The following HOXA10 variants were observed in gnomAD, a reference collection of about 807,000 sequenced individuals.
HOXA10 encodes the protein homeobox A10, also known as homeobox protein Hox-A10.
A neutral mutation model predicts 29.7 loss-of-function variants in HOXA10; 12 were observed. The ratio of observed to expected loss-of-function variants is 0.40; its 90% CI spans 0.26 to 0.65. The LOEUF is 0.65. HOXA10 is among the 30% of genes least tolerant of loss of function. HOXA10 has a pLI of 0.37. For missense variants in HOXA10, 656 were observed against 585.9 expected (o/e 1.12, Z -1.24); for synonymous variants, 327 against 280.7 (o/e 1.16, Z -1.65).
At chr7:27,177,100 G>T (rs935898895), upstream of HOXA10, among the ~76,000 whole-genome samples, 6 of 152,212 alleles carry the variant, frequency 3.9e-5, no homozygotes, top group African/African-American at 1.4e-4. Flanking sequence ...CCAGGGACCT[G>T]CACGTGCCAA....
upstream of HOXA10, chr7:27,174,593 T>C (rs1274379426): frequency 2.1e-6 from 1 of 479,774 alleles, no homozygotes; most frequent in Non-Finnish European, 3.7e-6. Context: ...GCCCCGCCCC[T>C]ACCCGGACGT....
rs2115451760 is a variant in HOXA10 at position 27,173,345 on chromosome 7, T to G, written c.958+4A>C. The stretch of plus-strand genomic sequence containing the variant: ...TGACTGCAGCCCTCTGCAGCCCTGC[T>G]TACCCAGGGAATCCTTCTCCGGCGA... On this transcript the variant is annotated splice_donor_region_variant and intron_variant, in intron 1 of 1. Coordinates refer to ENST00000283921, the MANE Select transcript of HOXA10 (RefSeq NM_018951.4). The G allele has an allele frequency of 6.2e-7, 1 of 1,611,868 alleles. No individual in the cohort carries two copies. Among genetic ancestry groups the G allele is most frequent in the Non-Finnish European group, 8.5e-7 (1 of 1,179,694 alleles).
chr7:27,171,457 G>A lies in HOXA10; in HGVS notation c.*442C>T. 2.2e-6 allele frequency: 1 copy of A among 457,022 alleles called. No homozygotes were observed. Among genetic ancestry groups the A allele is most frequent in the Non-Finnish European group, 4.4e-6 (1 of 228,562 alleles). The allele number at this position is 457,022 out of a possible 1,614,324, so 28.3% of individuals were successfully genotyped here. On this transcript the variant is annotated 3_prime_UTR_variant, in exon 2 of 2. Coordinates refer to ENST00000283921, the MANE Select transcript of HOXA10 (RefSeq NM_018951.4). ...GCACTCCAGGCAGACATGCCCGGTG[G>A]CGGCTCCTTTGCACCATTGACCTCA... is the stretch of plus-strand genomic sequence containing the variant.
intron 1 of HOXA10, chr7:27,172,914 T>G: frequency 2.2e-5 from 4 of 185,042 alleles, no homozygotes; most frequent in Non-Finnish European, 4.5e-5. Context: ...AATGGGCTTA[T>G]TTATTGGCGC....
chr7:27,171,395 A>T lies in HOXA10; in HGVS notation c.*504T>A. On this transcript the variant is annotated 3_prime_UTR_variant, in exon 2 of 2. Transcript: ENST00000283921. ...GAAGAAAGGAAGAAAGAAAAAAGAA[A>T]CCCAGGGGCCTGTATCCCCTGATTA... 2.2e-6 allele frequency: 1 copy of T among 454,964 alleles called. No individual in the cohort carries two copies. Among genetic ancestry groups the T allele is most frequent in the Non-Finnish European group, 4.4e-6 (1 of 227,104 alleles). The allele number at this position is 454,964 out of a possible 1,614,324, so 28.2% of individuals were successfully genotyped here. A position where few individuals can be genotyped will look rare whatever the true frequency, so the allele number is the denominator to read the frequency against.
chr7:27,174,620 T>G, upstream of HOXA10: 1 of 438,230 alleles, frequency 2.3e-6, no homozygotes, highest in Admixed American at 4.0e-5. Flanking sequence ...CATACCGGGG[T>G]CCCTTAGAAG....
chr7:27,171,779 G>C lies in HOXA10; in HGVS notation c.*120C>G, dbSNP rs751374742. 8.1e-6 allele frequency: 8 copies of C among 993,282 alleles called. No individual in the cohort carries two copies. Among genetic ancestry groups the C allele is most frequent in the Non-Finnish European group, 1.3e-5 (8 of 615,594 alleles). The allele number at this position is 993,282 out of a possible 1,614,324, so 61.5% of individuals were successfully genotyped here. A position where few individuals can be genotyped will look rare whatever the true frequency, so the allele number is the denominator to read the frequency against. ...CACAGATGTAACGGCCCAGGAGATGGCGAGTGTGGGAGGGAGGAACAGGGC... is the reference window on the plus strand; with the variant it reads ...CACAGATGTAACGGCCCAGGAGATGCCGAGTGTGGGAGGGAGGAACAGGGC... On this transcript the variant is annotated 3_prime_UTR_variant, in exon 2 of 2. Coordinates refer to ENST00000283921, the MANE Select transcript of HOXA10 (RefSeq NM_018951.4).
In HOXA10 at chr7:27,171,842, A is replaced by G. The variant is rs1254294865; in HGVS notation, c.*57T>C. ...GCGAGTTCCTGGGCAGAGCCTGAAG[A>G]CAGAGGGAGGGGACCAGCGCTCGGG... On this transcript the variant is annotated 3_prime_UTR_variant, in exon 2 of 2. Transcript: ENST00000283921. 6.3e-7 allele frequency: 1 copy of G among 1,583,100 alleles called. No individual in the cohort carries two copies. Among genetic ancestry groups the G allele is most frequent in the African/African-American group, 1.3e-5 (1 of 74,422 alleles).
In HOXA10 at chr7:27,171,676, T is replaced by C. The variant is rs1200019785; in HGVS notation, c.*223A>G. On this transcript the variant is annotated 3_prime_UTR_variant, in exon 2 of 2. Transcript: ENST00000283921. ...CTATAGAATTTTAGCATGATATGGC[T>C]TTTTCCCCCAGAAAACAACAAATAA... The C allele has an allele frequency of 1.5e-6, 1 of 689,580 alleles. No homozygotes were observed. The highest frequency in any genetic ancestry group is 1.5e-5 in the South Asian group (1 of 67,518). 42.7% of individuals were successfully genotyped at this position (689,580 alleles called of 1,614,324 possible).
chr7:27,171,609 C>A lies in HOXA10; in HGVS notation c.*290G>T. 1.8e-6 allele frequency: 1 copy of A among 550,644 alleles called. No homozygotes were observed. Among genetic ancestry groups the A allele is most frequent in the Non-Finnish European group, 3.4e-6 (1 of 290,098 alleles). The allele number at this position is 550,644 out of a possible 1,614,324, so 34.1% of individuals were successfully genotyped here. ...AGCAGTGGGACCCCAAGACAGCAAA[C>A]CCAGCCCAGTCAGGACTTGACACTT... On this transcript the variant is annotated 3_prime_UTR_variant, in exon 2 of 2. Transcript: ENST00000283921.
At chr7:27,176,599 T>C (rs1457460795), upstream of HOXA10, among the ~76,000 whole-genome samples, 4 of 152,230 alleles carry the variant, frequency 2.6e-5, no homozygotes, top group Non-Finnish European at 5.9e-5. Context: ...CTGTGTCATT[T>C]GGCAAGTGGG....
At chr7:27,176,814 C>A (rs1180080171), upstream of HOXA10, among the ~76,000 whole-genome samples, 1 of 152,260 alleles carries the variant, frequency 6.6e-6, no homozygotes, top group Non-Finnish European at 1.5e-5. Flanking sequence ...TCTTTCCTAA[C>A]CTTTTAGGGA....
chr7:27,171,681 C>T lies in HOXA10; in HGVS notation c.*218G>A, dbSNP rs1215263363. ...GAATTTTAGCATGATATGGCTTTTT[C>T]CCCCAGAAAACAACAAATAAACCAG... On this transcript the variant is annotated 3_prime_UTR_variant, in exon 2 of 2. Transcript: ENST00000283921. 2.9e-6 allele frequency: 2 copies of T among 697,790 alleles called. No individual in the cohort carries two copies. Among genetic ancestry groups the T allele is most frequent in the Non-Finnish European group, 5.2e-6 (2 of 383,006 alleles). 43.2% of individuals were successfully genotyped at this position (697,790 alleles called of 1,614,324 possible). A position where few individuals can be genotyped will look rare whatever the true frequency, so the allele number is the denominator to read the frequency against.
chr7:27,170,994 A>G lies in HOXA10; in HGVS notation c.*905T>C, dbSNP rs1276548818. On this transcript the variant is annotated 3_prime_UTR_variant, in exon 2 of 2. Transcript: ENST00000283921. ...AAAACTTTTTGTTCAAGGCGATTTA[A>G]AAAAACAACTTCACAAGATAGGGAG... The G allele has an allele frequency of 1.1e-5, 5 of 453,718 alleles. No homozygotes were observed. The highest frequency in any genetic ancestry group is 4.4e-6 in the Non-Finnish European group (1 of 226,688). 28.1% of individuals were successfully genotyped at this position (453,718 alleles called of 1,614,324 possible).
chr7:27,171,600 G>T lies in HOXA10; in HGVS notation c.*299C>A. ...GCCATTTCGAGCAGTGGGACCCCAA[G>T]ACAGCAAACCCAGCCCAGTCAGGAC... is the stretch of plus-strand genomic sequence containing the variant. On this transcript the variant is annotated 3_prime_UTR_variant, in exon 2 of 2. Transcript: ENST00000283921. 3.7e-6 allele frequency: 2 copies of T among 536,036 alleles called. No individual in the cohort carries two copies. The highest frequency in any genetic ancestry group is 7.1e-6 in the Non-Finnish European group (2 of 280,642). The allele number at this position is 536,036 out of a possible 1,614,324, so 33.2% of individuals were successfully genotyped here. A position where few individuals can be genotyped will look rare whatever the true frequency, so the allele number is the denominator to read the frequency against.
chr7:27,177,508 G>T (rs765808963), upstream of HOXA10, among the ~76,000 whole-genome samples: 8 of 152,184 alleles, frequency 5.3e-5, no homozygotes, highest in Non-Finnish European at 8.8e-5. Context: ...CGCAGCAGAA[G>T]CTCAAGTTAA....
In HOXA10 at chr7:27,173,760, C is replaced by T; in HGVS notation, c.547G>A (p.Ala183Thr). The change falls in exon 1 of 2, where the codon GCC (alanine) becomes ACC (threonine). Residue 183 changes from alanine to threonine, a missense_variant. Transcript: ENST00000283921. ...AAGGGAGCCAGTTCGGCGGCGGTGG[C>T]CGAGACTTTGGGGCATTTGTCCGCC... ...DSADKCPKVS[A>T]TAAELAPFPR... is the part of the protein sequence containing the mutation. 1 of 1,605,990 alleles carries T rather than the reference C, an allele frequency of 6.2e-7. No individual in the cohort carries two copies. The highest frequency in any genetic ancestry group is 8.5e-7 in the Non-Finnish European group (1 of 1,176,770).
Position 27,173,519 on chromosome 7 carries a change from G to C in HOXA10, c.788C>G (p.Ala263Gly). 6.8e-7 allele frequency: 1 copy of C among 1,463,324 alleles called. No homozygotes were observed. The highest frequency in any genetic ancestry group is 9.0e-7 in the Non-Finnish European group (1 of 1,116,668). The allele number at this position is 1,463,324 out of a possible 1,614,324, so 90.6% of individuals were successfully genotyped here. A position where few individuals can be genotyped will look rare whatever the true frequency, so the allele number is the denominator to read the frequency against. ...ATCGAGGGCTCGCTCCTTCCGGGCC[G>C]CATCGGCCGAGCCGGAGGCTAGCGC... ...PPALASGSAD[A>G]ARKERALDSP... Residue 263 changes from alanine (A) to glycine (G), a missense_variant, in exon 1 of 2, where the codon GCG becomes GGG. By Grantham distance (60) the Ala-to-Gly change is moderately conservative (BLOSUM62 0). This residue lies in a region of HOXA10 where 594 missense variants were observed against 491.9 expected (regional missense o/e 1.21). Coordinates refer to ENST00000283921, the MANE Select transcript of HOXA10 (RefSeq NM_018951.4).
upstream of HOXA10, among the ~76,000 whole-genome samples, chr7:27,178,295 A>G (rs1783689820): frequency 6.6e-6 from 1 of 152,276 alleles, no homozygotes; most frequent in African/African-American, 2.4e-5. Flanking sequence ...GCATAGTTAG[A>G]AAATTTTTCC....
Sources: gnomAD v4.1 joint callset for allele counts (sites outside exome capture counted in the v4.1 genomes callset) on GRCh38, gnomAD v4.1.1 for gene constraint, gnomAD v4.1.1 regional missense constraint, MANE v1.5 for transcripts, NCBI Gene and HGNC (gene_info 2026-07-23, HGNC 2026-07-21) for gene names.